AKR1A1: variants seen among roughly 807,000 people sequenced by gnomAD.
AKR1A1 encodes the protein aldo-keto reductase family 1 member A1, also known as HEL-S-165mP.
AKR1A1 carries 26 observed loss-of-function variants against 39.2 expected under a neutral mutation model. The observed-to-expected ratio is 0.66, with a 90% CI of 0.49 to 0.92. AKR1A1 has a LOEUF of 0.92. Ranked by LOEUF, AKR1A1 falls within the 40% of genes least tolerant of loss-of-function variation. AKR1A1 has a pLI of 0.00. For missense variants in AKR1A1, 378 were observed against 406.5 expected, an observed-to-expected ratio of 0.93 and a Z score of 0.60; for synonymous variants, 141 against 155.5, an observed-to-expected ratio of 0.91 and a Z score of 0.69.
intron 1 of AKR1A1, among the ~76,000 whole-genome samples, chr1:45,554,152 C>T (rs1644170369): frequency 6.6e-6 from 1 of 151,552 alleles, no homozygotes; most frequent in Non-Finnish European, 1.5e-5. Context: ...TAAGGCCAGG[C>T]ATAGTGGCTC....
chr1:45,552,348 A>AT (rs1644141962), intron 1 of AKR1A1: 1 of 151,402 alleles, frequency 6.6e-6, no homozygotes, highest in African/African-American at 2.4e-5. Flanking sequence ...AATCTTTAAA[A>AT]TAAAAAAAAA....
chr1:45,562,473 C>T (rs1423812022), intron 2 of AKR1A1, among the ~76,000 whole-genome samples: 1 of 150,788 alleles, frequency 6.6e-6, no homozygotes, highest in Non-Finnish European at 1.5e-5. Flanking sequence ...TCCTGAGTAG[C>T]TGGGACCACA....
chr1:45,562,213 G>A (rs1191613335), intron 2 of AKR1A1, among the ~76,000 whole-genome samples: 2 of 152,090 alleles, frequency 1.3e-5, no homozygotes, highest in Non-Finnish European at 2.9e-5. Context: ...CCCACACTGG[G>A]TTCTTTGAGG....
At position 45,569,126 on chromosome 1, in the gene AKR1A1, C is replaced by T; in HGVS notation, c.826-17C>T. The stretch of plus-strand genomic sequence containing the variant: ...CTCACAAAGCTGGCTTTCTTGAACC[C>T]CACTCTCCATCCTCAGGTGTTTGAC... On this transcript the variant is annotated splice_polypyrimidine_tract_variant and intron_variant, in intron 7 of 8. Coordinates refer to ENST00000351829, the MANE Select transcript of AKR1A1 (RefSeq NM_153326.3). The T allele has an allele frequency of 6.2e-7, 1 of 1,612,932 alleles. No homozygotes were observed. Among genetic ancestry groups the T allele is most frequent in the African/African-American group, 1.3e-5 (1 of 75,018 alleles).
intron 2 of AKR1A1, among the ~76,000 whole-genome samples, chr1:45,564,258 G>C (rs776535443): frequency 2.6e-5 from 4 of 152,156 alleles, no homozygotes; most frequent in Non-Finnish European, 5.9e-5. Flanking sequence ...AAGGCAGAGG[G>C]TTGGGGGCCA....
At chr1:45,567,148 A>G (rs1260953442) in intron 4 of AKR1A1, 128 bp downstream of exon 4, 6 of 1,290,538 alleles carry the variant, frequency 4.6e-6, no homozygotes, top group African/African-American at 1.5e-5. Flanking sequence ...GAGGAGCTTG[A>G]CATGGGATCT....
At chr1:45,564,144 C>T (rs890693564) in intron 2 of AKR1A1, among the ~76,000 whole-genome samples, 34 of 152,158 alleles carry the variant, frequency 2.2e-4, no homozygotes, top group African/African-American at 7.0e-4. Flanking sequence ...TGTCTCTTTT[C>T]CCTTTTGCTT....
chr1:45,562,711 T>C (rs1292650796), intron 2 of AKR1A1, among the ~76,000 whole-genome samples: 1 of 152,098 alleles, frequency 6.6e-6, no homozygotes, highest in African/African-American at 2.4e-5. Context: ...GGTTTTACCA[T>C]GTTGGCAAGG....
intron 3 of AKR1A1, 73 bp from the exon 4 acceptor site, chr1:45,566,796 C>A: frequency 1.3e-6 from 2 of 1,592,030 alleles, no homozygotes; most frequent in South Asian, 2.3e-5. Context: ...TCCAGTTCCT[C>A]TCCCAGAGTT....
At chr1:45,568,315 C>A in intron 5 of AKR1A1, 138 bp downstream of exon 5, 1 of 1,260,590 alleles carries the variant, frequency 7.9e-7, no homozygotes, top group Non-Finnish European at 1.1e-6. Context: ...TAAAGGTGGG[C>A]ATTGAAGCAG....
chr1:45,555,402 A>G (rs1409760047), intron 1 of AKR1A1, among the ~76,000 whole-genome samples: 1 of 151,988 alleles, frequency 6.6e-6, no homozygotes, highest in Non-Finnish European at 1.5e-5. Flanking sequence ...CAGGAGAATC[A>G]CTTGAACCCA....
rs754953076 is a variant in AKR1A1, at chr1:45,568,553, A to G, written c.621A>G (p.Val207=). 6.2e-7 allele frequency: 1 copy of G among 1,613,940 alleles called. No individual in the cohort carries two copies. The highest frequency in any genetic ancestry group is 8.5e-7 in the Non-Finnish European group (1 of 1,179,980). The change falls in exon 6 of 9, where the codon GTA becomes GTG. Residue 207 remains valine, a synonymous_variant. Coordinates refer to ENST00000351829, the MANE Select transcript of AKR1A1 (RefSeq NM_153326.3). ...ACTGCCAAGCACGTGGCCTGGAGGT[A>G]ACTGCTTATAGCCCTTTGGGCTCCT... ...IAHCQARGLE[V]TAYSPLGSSD... is the part of the protein sequence containing the mutation.
chr1:45,553,909 G>A (rs965515649), intron 1 of AKR1A1, among the ~76,000 whole-genome samples: 1 of 151,780 alleles, frequency 6.6e-6, no homozygotes, highest in Non-Finnish European at 1.5e-5. Context: ...GCAGGAGAAT[G>A]GCATGAACCC....
At position 45,568,639 on chromosome 1, in the gene AKR1A1, C is replaced by A. The variant is rs1409233701; in HGVS notation, c.707C>A (p.Ala236Glu). The change falls in exon 6 of 9, where the codon GCA becomes GAA. Residue 236 changes from alanine to glutamate, a missense_variant. Physicochemically the swap from Ala to Glu is moderately radical, Grantham distance 107 (BLOSUM62 -1). Transcript: ENST00000351829. Reference sequence around the variant, plus strand: ...CTGCTGGAGGAACCAGTAGTCCTGGCATTGGCTGAAAAGTATGGCCGATCT... The same window carrying A: ...CTGCTGGAGGAACCAGTAGTCCTGGAATTGGCTGAAAAGTATGGCCGATCT... ...PVLLEEPVVL[A>E]LAEKYGRSPA... 1 of 1,613,866 alleles carries A rather than the reference C, an allele frequency of 6.2e-7. No homozygotes were observed. The highest frequency in any genetic ancestry group is 8.5e-7 in the Non-Finnish European group (1 of 1,179,918).
rs768922532 is a variant in AKR1A1 at position 45,566,900 on chromosome 1, C to T, written c.236C>T (p.Ser79Phe). Residue 79 changes from serine to phenylalanine, a missense_variant, in exon 4 of 9, where the codon TCC (serine) becomes TTC (phenylalanine). By Grantham distance (155) the Ser-to-Phe change is radical. Transcript: ENST00000351829. Reference protein sequence around the residue: ...AVPREELFVTSKLWNTKHHPE... With the variant: ...AVPREELFVTFKLWNTKHHPE... ...CCTCGGGAGGAGCTGTTTGTGACATCCAAGCTGTGGAACACCAAGCACCAC... is the reference window on the plus strand; with the variant it reads ...CCTCGGGAGGAGCTGTTTGTGACATTCAAGCTGTGGAACACCAAGCACCAC... The T allele has an allele frequency of 1.2e-5, 20 of 1,614,042 alleles. No individual in the cohort carries two copies. The Admixed American group carries it at 3.3e-4, about 27-fold the overall frequency.
chr1:45,569,596 T>C (rs1282995555), intron 8 of AKR1A1, among the ~76,000 whole-genome samples: 1 of 152,084 alleles, frequency 6.6e-6, no homozygotes, highest in Non-Finnish European at 1.5e-5. Flanking sequence ...ACTCGAGGGA[T>C]TGGGGTTGGG....
chr1:45,564,892 G>A (rs578125865), intron 2 of AKR1A1, among the ~76,000 whole-genome samples: 34 of 151,502 alleles, frequency 2.2e-4, no homozygotes, highest in African/African-American at 6.3e-4. Context: ...GCGCAATCTC[G>A]CCTCACTGCA....
At chr1:45,559,029 G>A (rs534534) in intron 1 of AKR1A1, among the ~76,000 whole-genome samples, 109,254 of 152,098 alleles carry the variant, frequency 0.72, 40,138 homozygotes, top group East Asian at 0.99. Context: ...CACTTGAATA[G>A]CTCCTGTTCA....
In AKR1A1 at chr1:45,569,986, T is replaced by C. The variant is rs774001717; in HGVS notation, c.*30T>C. On this transcript the variant is annotated 3_prime_UTR_variant, in exon 9 of 9. Transcript: ENST00000351829. ...ACAGCTTCTTGGCCTCCCTTCCAGC[T>C]CTGCAGCTAATGAGGTCCTGCCACA... The C allele has an allele frequency of 2.5e-6, 4 of 1,602,776 alleles. No homozygotes were observed. The highest frequency in any genetic ancestry group is 3.4e-6 in the Non-Finnish European group (4 of 1,169,760).
Sources: allele counts gnomAD v4.1 joint callset (sites outside exome capture counted in the v4.1 genomes callset), GRCh38; gene constraint gnomAD v4.1.1; transcripts MANE v1.5; gene names NCBI Gene and HGNC (gene_info 2026-07-23, HGNC 2026-07-21).